Variants in RGL1 observed in about 807,000 individuals in gnomAD.
RGL1 encodes ral guanine nucleotide dissociation stimulator-like 1.
In RGL1, 24 loss-of-function variants were observed where a neutral mutation model predicts 95.2. The observed-to-expected ratio is 0.25, with a 90% CI of 0.18 to 0.35. The LOEUF (loss-of-function observed/expected upper bound fraction) is 0.35. Ranked by LOEUF, RGL1 falls within the 10% of genes least tolerant of loss-of-function variation. The pLI is 1.00. For synonymous variants in RGL1, 329 were observed against 344.9 expected (o/e 0.95, Z 0.51); for missense variants, 715 against 936.3 (o/e 0.76, Z 3.08).
intron 4 of RGL1, among the ~76,000 whole-genome samples, chr1:183,868,838 G>T (rs562316768): frequency 6.6e-6 from 1 of 152,176 alleles, no homozygotes; most frequent in Non-Finnish European, 1.5e-5. Context: ...AGAGCTGGCC[G>T]GGCGTGGTGG....
intron 2 of RGL1, among the ~76,000 whole-genome samples, chr1:183,812,408 CTGCTG>C (rs1661786165): frequency 6.6e-6 from 1 of 152,184 alleles, no homozygotes. Context: ...AACTCCCTCG[CTGCTG>C]TTGCATATTT....
chr1:183,671,486 C>T (rs1035854970), intron 1 of RGL1, among the ~76,000 whole-genome samples: 8 of 152,154 alleles, frequency 5.3e-5, no homozygotes, highest in East Asian at 1.9e-4. Context: ...CACATCCTTG[C>T]CAACACTTGG....
intron 3 of RGL1, among the ~76,000 whole-genome samples, chr1:183,864,512 C>T (rs375585211): frequency 2.6e-4 from 39 of 152,296 alleles, no homozygotes; most frequent in South Asian, 6.2e-4. Context: ...TAGTTTGCTA[C>T]GATGTTGGCC....
intron 1 of RGL1, among the ~76,000 whole-genome samples, chr1:183,709,015 G>A (rs538126635): frequency 6.6e-6 from 1 of 152,332 alleles, no homozygotes; most frequent in South Asian, 2.1e-4. Context: ...GATGGGCTGA[G>A]ACCTAAAATG....
chr1:183,680,657 C>T (rs1207379960), intron 1 of RGL1, among the ~76,000 whole-genome samples: 1 of 152,140 alleles, frequency 6.6e-6, no homozygotes, highest in African/African-American at 2.4e-5. Flanking sequence ...CTTGGCTATA[C>T]AGGCTCTTTT....
chr1:183,682,229 C>T (rs1653268049), intron 1 of RGL1, among the ~76,000 whole-genome samples: 2 of 152,146 alleles, frequency 1.3e-5, no homozygotes, highest in South Asian at 4.1e-4. Flanking sequence ...TTTGTTTGCT[C>T]CTGCTTCTCT....
chr1:183,863,592 T>C (rs1040927249), intron 3 of RGL1, among the ~76,000 whole-genome samples: 1 of 152,180 alleles, frequency 6.6e-6, no homozygotes. Context: ...TAGGTTACAC[T>C]TGATTTACAC....
intron 4 of RGL1, among the ~76,000 whole-genome samples, chr1:183,871,005 T>G (rs1016735117): frequency 6.6e-6 from 1 of 152,228 alleles, no homozygotes; most frequent in African/African-American, 2.4e-5. Flanking sequence ...TGTTTCAGTT[T>G]CTTCACCTGA....
chr1:183,718,914 A>G lies in RGL1; in HGVS notation c.-32-23212A>G, dbSNP rs139695318. ...GGCAACAGAGTGAGACTCTGTCTAA[A>G]AAAAACAAAACAAAACAAAAAAACG... On this transcript the variant is annotated intron_variant, in intron 1 of 18. Transcript: ENST00000304685. Among the ~76,000 whole-genome samples the G allele has an allele frequency of 4.1e-3, 619 of 152,316 alleles. 2 individuals carry two copies. The highest frequency in any genetic ancestry group is 0.01 in the Middle Eastern group (3 of 294).
chr1:183,912,779 G>A (rs928028117), intron 15 of RGL1, among the ~76,000 whole-genome samples: 6 of 152,192 alleles, frequency 3.9e-5, no homozygotes, highest in African/African-American at 1.4e-4. Flanking sequence ...TCTCATTATT[G>A]TTGGAGTAAC....
At chr1:183,795,507 G>A (rs1179124254) in intron 2 of RGL1, among the ~76,000 whole-genome samples, 1 of 152,216 alleles carries the variant, frequency 6.6e-6, no homozygotes, top group African/African-American at 2.4e-5. Context: ...CAAAGGCTGT[G>A]TGAAGGGAGG....
chr1:183,901,425 T>A (rs1668018433), intron 11 of RGL1, among the ~76,000 whole-genome samples: 1 of 152,112 alleles, frequency 6.6e-6, no homozygotes, highest in South Asian at 2.1e-4. Context: ...AGGCAGAGGT[T>A]GCAGTGAGCC....
intron 1 of RGL1, among the ~76,000 whole-genome samples, chr1:183,686,828 C>T (rs1653617865): frequency 6.6e-6 from 1 of 152,152 alleles, no homozygotes; most frequent in Admixed American, 6.5e-5. Flanking sequence ...TAAAAAAATA[C>T]ATCTCCGCCT....
chr1:183,680,971 T>C (rs1046996240), intron 1 of RGL1, among the ~76,000 whole-genome samples: 1 of 152,232 alleles, frequency 6.6e-6, no homozygotes, highest in Non-Finnish European at 1.5e-5. Context: ...ATGATTTGGC[T>C]CTTTGCCTAT....
rs572288492 is a variant in RGL1, at chr1:183,687,116, C to T, written c.-33+50615C>T. ...CCCAATTGGTTTTCCTGCTTCCCCT[C>T]TGTCTGTCATCACCATTATGTGCTA... is the stretch of plus-strand genomic sequence containing the variant. On this transcript the variant is annotated intron_variant, in intron 1 of 18. Coordinates refer to the RGL1 transcript ENST00000304685. 3.9e-4 allele frequency among the ~76,000 whole-genome samples: 60 copies of T among 152,338 alleles called. 1 individual carries two copies. Among genetic ancestry groups the T allele is most frequent in the African/African-American group, 1.4e-3 (60 of 41,592 alleles).
chr1:183,677,195 A>G (rs988490877), intron 1 of RGL1, among the ~76,000 whole-genome samples: 1 of 150,832 alleles, frequency 6.6e-6, no homozygotes, highest in African/African-American at 2.4e-5. Context: ...GTATTTTTGC[A>G]GTAGGAATTA....
chr1:183,880,866 A>C, intron 5 of RGL1, 66 bp downstream of exon 5: 2 of 1,462,572 alleles, frequency 1.4e-6, no homozygotes, highest in Non-Finnish European at 1.9e-6. Flanking sequence ...CGCTGGAGAA[A>C]GGTTCTCCCT....
intron 3 of RGL1, among the ~76,000 whole-genome samples, chr1:183,855,674 T>C (rs767823600): frequency 6.6e-6 from 1 of 152,208 alleles, no homozygotes. Context: ...AGCATCTTCA[T>C]GTGACTTATG....
At position 183,847,566 on chromosome 1, in the gene RGL1, G is replaced by A; in HGVS notation, c.139G>A (p.Val47Ile). 6.2e-7 allele frequency: 1 copy of A among 1,613,402 alleles called. No homozygotes were observed. Among genetic ancestry groups the A allele is most frequent in the South Asian group, 1.1e-5 (1 of 90,990 alleles). Residue 47 changes from valine to isoleucine, a missense_variant and splice_region_variant, in exon 3 of 18, where the codon GTT (valine) becomes ATT (isoleucine). Transcript: ENST00000360851. ...AANKGARWLG[V>I]EGDQLPPGHT... ...TGGTAATTGTTAATTTATTATACAGGTTGAAGGGGACCAGCTGCCTCCAGG... is the reference window on the plus strand; with the variant it reads ...TGGTAATTGTTAATTTATTATACAGATTGAAGGGGACCAGCTGCCTCCAGG...
Sources: allele counts gnomAD v4.1 joint callset (sites outside exome capture counted in the v4.1 genomes callset), GRCh38; gene constraint gnomAD v4.1.1; transcripts MANE v1.5; gene names NCBI Gene and HGNC (gene_info 2026-07-23, HGNC 2026-07-21).